The following SPECC1 variants were observed in gnomAD, a reference collection of about 807,000 sequenced individuals.
The protein encoded by SPECC1 is sperm antigen with calponin homology and coiled-coil domains 1.
A neutral mutation model predicts 104.1 loss-of-function variants in SPECC1; 62 were observed. The observed-to-expected ratio is 0.60, with a 90% CI of 0.49 to 0.74. SPECC1 has a LOEUF of 0.74. SPECC1 is among the 30% of genes least tolerant of loss of function. The probability of loss-of-function intolerance (pLI) is 0.00; values close to 1 mark genes in which losing one functional copy is unlikely to be tolerated. For missense variants in SPECC1, 1,306 were observed against 1,310.5 expected, an observed-to-expected ratio of 1.00 and a Z score of 0.05; for synonymous variants, 513 against 501.6, an observed-to-expected ratio of 1.02 and a Z score of -0.30.
chr17:20,029,613 A>G (rs1293293193), intron 1 of SPECC1, among the ~76,000 whole-genome samples: 1 of 152,202 alleles, frequency 6.6e-6, no homozygotes, highest in Non-Finnish European at 1.5e-5. Context: ...GTTATAGCTC[A>G]TTCAAATTGT....
chr17:20,081,201 G>C (rs1302627796), intron 1 of SPECC1, among the ~76,000 whole-genome samples: 1 of 152,040 alleles, frequency 6.6e-6, no homozygotes, highest in Non-Finnish European at 1.5e-5. Flanking sequence ...CCATTTGATA[G>C]TTCCCTACAC....
At chr17:20,146,360 G>T (rs577893584) in intron 3 of SPECC1, among the ~76,000 whole-genome samples, 2 of 152,174 alleles carry the variant, frequency 1.3e-5, no homozygotes, top group Non-Finnish European at 2.9e-5. Flanking sequence ...TGCATTTAAG[G>T]TTCCTCCATG....
At chr17:20,050,208 G>A (rs552821019) in intron 1 of SPECC1, among the ~76,000 whole-genome samples, 23 of 152,200 alleles carry the variant, frequency 1.5e-4, no homozygotes, top group South Asian at 1.0e-3. Flanking sequence ...ACGTACCCTA[G>A]AACTTAAAAC....
At chr17:20,053,824 C>T (rs924297565) in intron 1 of SPECC1, among the ~76,000 whole-genome samples, 20 of 152,316 alleles carry the variant, frequency 1.3e-4, no homozygotes, top group African/African-American at 4.6e-4. Context: ...CCAGCTAAGC[C>T]TATCTTAGAT....
At chr17:20,129,180 TG>T (rs1197840055) in intron 3 of SPECC1, among the ~76,000 whole-genome samples, 4 of 151,370 alleles carry the variant, frequency 2.6e-5, no homozygotes, top group African/African-American at 9.7e-5. Context: ...TGGCCTGTTT[TG>T]TTTTTTTTTG....
In SPECC1 at chr17:20,314,011, C is replaced by A. The variant is rs1336372886; in HGVS notation, c.3153C>A (p.Asp1051Glu). 2.5e-6 allele frequency: 4 copies of A among 1,614,086 alleles called. No individual in the cohort carries two copies. The Admixed American group carries it at 5.0e-5, about 20-fold the overall frequency. Residue 1051 changes from aspartate to glutamate, a missense_variant, in exon 15 of 15, where the codon GAC becomes GAA. Transcript: ENST00000395527. Reference protein sequence around the residue: ...LSEMLYTDRPDWQSVMQYVAQ... With the variant: ...LSEMLYTDRPEWQSVMQYVAQ... ...AGATGCTGTACACAGACCGGCCCGA[C>A]TGGCAGAGTGTGATGCAGTACGTGG...
At chr17:20,188,458 A>C (rs150068766) in intron 3 of SPECC1, among the ~76,000 whole-genome samples, 2 of 151,996 alleles carry the variant, frequency 1.3e-5, no homozygotes, top group East Asian at 3.9e-4. Context: ...GGGTTTCACC[A>C]TGTTGGCTAG....
At chr17:20,153,055 T>A (rs2032158017) in intron 3 of SPECC1, among the ~76,000 whole-genome samples, 1 of 152,176 alleles carries the variant, frequency 6.6e-6, no homozygotes, top group Non-Finnish European at 1.5e-5. Context: ...AAAGGCCCTG[T>A]CTCCAAATAC....
At chr17:20,057,431 AC>A (rs1233421759) in intron 1 of SPECC1, among the ~76,000 whole-genome samples, 7 of 152,088 alleles carry the variant, frequency 4.6e-5, no homozygotes, top group Non-Finnish European at 1.0e-4. Context: ...ACAGAGTGAG[AC>A]TCCATCTCAA....
rs370799836 is a variant in SPECC1 at position 20,084,639 on chromosome 17, G to GT, written c.-21-11985dup. On this transcript the variant is annotated intron_variant, in intron 1 of 14. Transcript: ENST00000395527. Reference sequence around the variant, plus strand: ...TCCCATTAATCAGGTGGGTTTTTTTGTTTTTTTATCTTAGTTATTTTATTG... The same window carrying GT: ...TCCCATTAATCAGGTGGGTTTTTTTGTTTTTTTTATCTTAGTTATTTTATTG... 3.0e-4 allele frequency among the ~76,000 whole-genome samples: 46 copies of GT among 151,976 alleles called. 3 individuals are homozygous for GT. Among genetic ancestry groups the GT allele is most frequent in the African/African-American group, 1.1e-3 (45 of 41,476 alleles).
intron 1 of SPECC1, among the ~76,000 whole-genome samples, chr17:20,070,009 TG>T (rs1247516856): frequency 6.6e-6 from 1 of 152,166 alleles, no homozygotes; most frequent in Non-Finnish European, 1.5e-5. Flanking sequence ...GAGGTTTTTT[TG>T]TTGTAAATTC....
chr17:20,227,376 G>T (rs1450724888), intron 4 of SPECC1, 37 bp from the exon 5 acceptor site: 13 of 1,583,496 alleles, frequency 8.2e-6, no homozygotes, highest in Non-Finnish European at 1.1e-5. Flanking sequence ...GAATTTTTTT[G>T]TTGTTAACTG....
At chr17:20,164,165 T>C (rs1392303688) in intron 3 of SPECC1, among the ~76,000 whole-genome samples, 2 of 151,550 alleles carry the variant, frequency 1.3e-5, no homozygotes, top group South Asian at 2.1e-4. Flanking sequence ...TTTCTTCCCA[T>C]GTAATTTTTT....
chr17:20,076,591 GC>G (rs1383704435), intron 1 of SPECC1, among the ~76,000 whole-genome samples: 2 of 152,178 alleles, frequency 1.3e-5, no homozygotes, highest in Admixed American at 6.5e-5. Context: ...AAATTAGGTT[GC>G]TTTTCCTTTT....
chr17:20,175,580 T>A (rs975816049), intron 3 of SPECC1, among the ~76,000 whole-genome samples: 7 of 152,254 alleles, frequency 4.6e-5, no homozygotes, highest in Non-Finnish European at 1.0e-4. Context: ...CTAGTGATCA[T>A]TATTTTGCAA....
At chr17:20,217,265 G>A in intron 4 of SPECC1, among the ~76,000 whole-genome samples, 1 of 146,872 alleles carries the variant, frequency 6.8e-6, no homozygotes, top group East Asian at 2.0e-4. Context: ...TTTTTTTATT[G>A]TGTGTGTGTG....
chr17:20,227,421 G>A lies in SPECC1; in HGVS notation c.1872G>A (p.Lys624=). 1 of 1,611,062 alleles carries A rather than the reference G, an allele frequency of 6.2e-7. No homozygotes were observed. The highest frequency in any genetic ancestry group is 8.5e-7 in the Non-Finnish European group (1 of 1,178,972). ...CCTTCCTTTTATTTTAGGTGGAAAA[G>A]GATTATTCATACCTGAAGGAGATAT... is the stretch of plus-strand genomic sequence containing the variant. ...HVSSLLAKVE[K]DYSYLKEICD... is the part of the protein sequence containing the mutation. Residue 624 remains lysine, a synonymous_variant, in exon 5 of 15, where the codon AAG becomes AAA. Transcript: ENST00000395527.
chr17:20,089,625 C>T (rs1442309836), intron 1 of SPECC1, among the ~76,000 whole-genome samples: 1 of 152,004 alleles, frequency 6.6e-6, no homozygotes, highest in Non-Finnish European at 1.5e-5. Context: ...GACCCCATCT[C>T]TAAAAAAATA....
intron 12 of SPECC1, among the ~76,000 whole-genome samples, chr17:20,296,452 C>T (rs1463950876): frequency 2.6e-5 from 4 of 152,124 alleles, no homozygotes; most frequent in Non-Finnish European, 4.4e-5. Context: ...AGTCAGGTAG[C>T]GTGATGCCTC....
Sources: gnomAD v4.1 joint callset for allele counts (sites outside exome capture counted in the v4.1 genomes callset) on GRCh38, gnomAD v4.1.1 for gene constraint, MANE v1.5 for transcripts, NCBI Gene and HGNC (gene_info 2026-07-23, HGNC 2026-07-21) for gene names.